DNAH8: variants seen among roughly 807,000 people sequenced by gnomAD.
DNAH8 encodes axonemal beta dynein heavy chain 8.
DNAH8 carries 382 observed loss-of-function variants against 562.1 expected under a neutral mutation model. The ratio of observed to expected loss-of-function variants is 0.68; its 90% CI spans 0.63 to 0.74. DNAH8 has a LOEUF of 0.74. Ranked by LOEUF, DNAH8 falls within the 30% of genes least tolerant of loss-of-function variation. The pLI is 0.00. For missense variants in DNAH8, 5,203 were observed against 5,620.4 expected (o/e 0.93, Z 2.37); for synonymous variants, 1,881 against 1,919.4 (o/e 0.98, Z 0.52).
At chr6:38,996,776 G>A (rs1765159500) in intron 88 of DNAH8, among the ~76,000 whole-genome samples, 1 of 152,206 alleles carries the variant, frequency 6.6e-6, no homozygotes, top group Non-Finnish European at 1.5e-5. Flanking sequence ...GCAAACTGGT[G>A]TGTTAGAGAG....
At chr6:38,915,767 C>T (rs545544533) in intron 68 of DNAH8, among the ~76,000 whole-genome samples, 1 of 152,228 alleles carries the variant, frequency 6.6e-6, no homozygotes, top group East Asian at 1.9e-4. Flanking sequence ...GCTAGACATC[C>T]ACAGCTGTGA....
intron 42 of DNAH8, among the ~76,000 whole-genome samples, chr6:38,858,085 C>T (rs1197908514): frequency 6.6e-6 from 1 of 152,172 alleles, no homozygotes; most frequent in Non-Finnish European, 1.5e-5. Flanking sequence ...CTTCAGAGCA[C>T]TCTCACGGCT....
At chr6:38,911,993 A>G (rs72853718) in intron 66 of DNAH8, among the ~76,000 whole-genome samples, 1,814 of 152,350 alleles carry the variant, frequency 0.012, 28 homozygotes, top group Middle Eastern at 0.027. Flanking sequence ...AAAAGGCAAA[A>G]TAGAAGCAAA....
At chr6:38,974,069 T>C (rs960897665) in intron 84 of DNAH8, among the ~76,000 whole-genome samples, 5 of 152,208 alleles carry the variant, frequency 3.3e-5, no homozygotes, top group Non-Finnish European at 7.3e-5. Flanking sequence ...GTTTATACAA[T>C]GCTGAACTTT....
intron 26 of DNAH8, among the ~76,000 whole-genome samples, chr6:38,822,036 C>T (rs775729190): frequency 6.6e-5 from 10 of 152,038 alleles, no homozygotes; most frequent in Non-Finnish European, 1.2e-4. Flanking sequence ...ATACACAGGC[C>T]GATTCCTCCA....
At position 38,924,172 on chromosome 6, in the gene DNAH8, A is replaced by C; in HGVS notation, c.10962+10A>C. ...GGTGGATCCTCCAACTGTAAGTTTT[A>C]CTTTCCCAATGTTATTTGAATTTCA... is the stretch of plus-strand genomic sequence containing the variant. On this transcript the variant is annotated intron_variant, in intron 73 of 92. Transcript: ENST00000327475. 1.2e-6 allele frequency: 2 copies of C among 1,611,774 alleles called. No homozygotes were observed. Among genetic ancestry groups the C allele is most frequent in the Non-Finnish European group, 1.7e-6 (2 of 1,178,732 alleles).
intron 12 of DNAH8, among the ~76,000 whole-genome samples, chr6:38,772,213 A>G (rs1767649103): frequency 6.6e-6 from 1 of 151,852 alleles, no homozygotes; most frequent in Non-Finnish European, 1.5e-5. Context: ...TATTTTTAGT[A>G]GAGACAGGGT....
At chr6:38,929,863 C>T (rs994169910) in intron 75 of DNAH8, among the ~76,000 whole-genome samples, 197 bp downstream of exon 75, 1 of 152,058 alleles carries the variant, frequency 6.6e-6, no homozygotes, top group African/African-American at 2.4e-5. Flanking sequence ...ACTGATACTT[C>T]AGTGTTTCCT....
intron 88 of DNAH8, among the ~76,000 whole-genome samples, chr6:39,001,473 T>C (rs562511305): frequency 7.9e-5 from 12 of 152,200 alleles, no homozygotes; most frequent in Non-Finnish European, 1.3e-4. Flanking sequence ...GAGCTTAATA[T>C]TAATAGCTAG....
intron 62 of DNAH8, among the ~76,000 whole-genome samples, chr6:38,904,810 AAAGAAAG>A (rs1780329746): frequency 6.6e-6 from 1 of 151,696 alleles, no homozygotes; most frequent in Non-Finnish European, 1.5e-5. Flanking sequence ...AAAAAAAAAA[AAAGAAAG>A]AATCTGAAAA....
chr6:38,882,754 G>T (rs1192762798), intron 53 of DNAH8, among the ~76,000 whole-genome samples, 156 bp from the exon 54 acceptor site: 1 of 152,124 alleles, frequency 6.6e-6, no homozygotes, highest in African/African-American at 2.4e-5. Context: ...AAATGCTGTA[G>T]ACATAAGATA....
At chr6:38,718,274 C>A (rs1243337327) in intron 1 of DNAH8, among the ~76,000 whole-genome samples, 16 of 151,962 alleles carry the variant, frequency 1.1e-4, no homozygotes, top group African/African-American at 3.9e-4. Context: ...TATTGTATAT[C>A]TATCTATATA....
rs986565777 is a variant in DNAH8 at position 38,800,677 on chromosome 6, C to T, written c.2902-2502C>T. 4.6e-5 allele frequency among the ~76,000 whole-genome samples: 7 copies of T among 151,992 alleles called. No homozygotes were observed. In the South Asian group the frequency reaches 1.0e-3, roughly 23 times the overall value. ...AATTACAGGTATGTGCCACCATGCC[C>T]GGTTAATGTTTGTATTTTTAGTAGA... On this transcript the variant is annotated intron_variant, in intron 21 of 92. Transcript: ENST00000327475.
At chr6:38,735,411 C>T (rs943639271) in intron 5 of DNAH8, among the ~76,000 whole-genome samples, 2 of 152,090 alleles carry the variant, frequency 1.3e-5, no homozygotes, top group African/African-American at 2.4e-5. Context: ...GTTATTTTTC[C>T]CTGACCCCTT....
intron 66 of DNAH8, among the ~76,000 whole-genome samples, chr6:38,912,849 G>T (rs542124165): frequency 2.2e-4 from 33 of 148,664 alleles, no homozygotes; most frequent in African/African-American, 8.2e-4. Context: ...TTGCTCTGTT[G>T]CCCAGGTTGG....
chr6:38,917,646 G>C (rs1435100383), intron 69 of DNAH8, among the ~76,000 whole-genome samples: 1 of 152,192 alleles, frequency 6.6e-6, no homozygotes, highest in Non-Finnish European at 1.5e-5. Flanking sequence ...TGTCAACCCA[G>C]CCCAGTTTTC....
chr6:38,894,736 C>A lies in DNAH8; in HGVS notation c.8619C>A (p.Tyr2873Ter). The A allele has an allele frequency of 4.3e-6, 7 of 1,613,972 alleles. No individual in the cohort carries two copies. Among genetic ancestry groups the A allele is most frequent in the Non-Finnish European group, 5.9e-6 (7 of 1,179,922 alleles). ...KMLPTPSKFH[Y>*]IFNLRDLSRI... ...TGCCAACTCCTTCTAAATTTCATTA[C>A]ATCTTCAATCTTCGAGATCTTTCCA... is the stretch of plus-strand genomic sequence containing the variant. Residue 2873 changes from tyrosine to a stop codon, truncating the protein, a stop_gained, in exon 59 of 93, where the codon TAC becomes TAA. Coordinates refer to ENST00000327475, the MANE Select transcript of DNAH8 (RefSeq NM_001206927.2). LOFTEE classifies it high-confidence loss of function.
At chr6:38,916,455 G>A (rs1220407057) in intron 68 of DNAH8, among the ~76,000 whole-genome samples, 1 of 152,084 alleles carries the variant, frequency 6.6e-6, no homozygotes, top group African/African-American at 2.4e-5. Flanking sequence ...TAGGGTAATT[G>A]TATTTGCTTT....
intron 53 of DNAH8, among the ~76,000 whole-genome samples, chr6:38,877,468 A>G (rs1159812460): frequency 6.6e-6 from 1 of 152,202 alleles, no homozygotes; most frequent in African/African-American, 2.4e-5. Flanking sequence ...TTCCTTCTTC[A>G]AGGTGGTCCT....
Sources: gnomAD v4.1 joint callset for allele counts (sites outside exome capture counted in the v4.1 genomes callset) on GRCh38, gnomAD v4.1.1 for gene constraint, MANE v1.5 for transcripts, NCBI Gene and HGNC (gene_info 2026-07-23, HGNC 2026-07-21) for gene names.